The following CRADD variants were observed in gnomAD, a reference collection of about 807,000 sequenced individuals.
CRADD encodes death domain-containing protein CRADD.
A neutral mutation model predicts 15.5 loss-of-function variants in CRADD; 9 were observed. The ratio of observed to expected loss-of-function variants is 0.58; its 90% CI spans 0.35 to 1.01. CRADD has a LOEUF of 1.01. CRADD is among the 50% of genes least tolerant of loss of function. CRADD has a pLI of 0.02. For missense variants in CRADD, 227 were observed against 250.3 expected (o/e 0.91, Z 0.63); for synonymous variants, 118 against 107.6 (o/e 1.10, Z -0.60).
At chr12:93,784,615 T>C (rs1019799527) in intron 2 of CRADD, among the ~76,000 whole-genome samples, 1 of 151,912 alleles carries the variant, frequency 6.6e-6, no homozygotes, top group Non-Finnish European at 1.5e-5. Flanking sequence ...GTCAGAGCTG[T>C]TTTTCAGCTT....
intron 2 of CRADD, among the ~76,000 whole-genome samples, chr12:93,860,586 C>T (rs1456308273): frequency 2.0e-5 from 3 of 152,148 alleles, no homozygotes; most frequent in Non-Finnish European, 4.4e-5. Flanking sequence ...AAGACCCCCA[C>T]AAGAAGGTGA....
chr12:93,811,382 A>T (rs1957624863), intron 2 of CRADD, among the ~76,000 whole-genome samples: 1 of 152,214 alleles, frequency 6.6e-6, no homozygotes, highest in Non-Finnish European at 1.5e-5. Flanking sequence ...CATTTCCCTG[A>T]TGCTTGGCTT....
At chr12:93,832,569 C>T (rs1428166410) in intron 2 of CRADD, among the ~76,000 whole-genome samples, 1 of 152,152 alleles carries the variant, frequency 6.6e-6, no homozygotes, top group Non-Finnish European at 1.5e-5. Context: ...ACTTAGTAAA[C>T]AGCAGCAAAG....
intron 2 of CRADD, among the ~76,000 whole-genome samples, chr12:93,718,353 C>T (rs1292311369): frequency 1.3e-5 from 2 of 152,150 alleles, no homozygotes; most frequent in African/African-American, 4.8e-5. Flanking sequence ...TGGTTTTCCT[C>T]ATATAGATCT....
intron 2 of CRADD, among the ~76,000 whole-genome samples, chr12:93,883,486 CAAGT>C (rs1958516248): frequency 6.6e-6 from 1 of 152,070 alleles, no homozygotes; most frequent in African/African-American, 2.4e-5. Context: ...AATTTAAAGA[CAAGT>C]AAGAAATAGT....
intron 2 of CRADD, among the ~76,000 whole-genome samples, chr12:93,777,455 T>C (rs768065976): frequency 6.6e-6 from 1 of 152,142 alleles, no homozygotes; most frequent in Non-Finnish European, 1.5e-5. Context: ...GCTCCAGCAT[T>C]TGGAAAAGGA....
intron 2 of CRADD, among the ~76,000 whole-genome samples, chr12:93,788,379 C>T (rs1957305058): frequency 6.6e-6 from 1 of 152,088 alleles, no homozygotes; most frequent in South Asian, 2.1e-4. Flanking sequence ...CCTTGTCCCT[C>T]TCATGACACG....
intron 2 of CRADD, among the ~76,000 whole-genome samples, chr12:93,873,048 AT>A (rs1453192445): frequency 6.6e-6 from 1 of 151,770 alleles, no homozygotes; most frequent in Non-Finnish European, 1.5e-5. Flanking sequence ...AACATAGAAT[AT>A]TTTTCTCTTT....
intron 2 of CRADD, among the ~76,000 whole-genome samples, chr12:93,858,583 A>G (rs1330574138): frequency 6.6e-6 from 1 of 152,230 alleles, no homozygotes; most frequent in Non-Finnish European, 1.5e-5. Flanking sequence ...GCAGCCTCAG[A>G]AGCAAAGTCT....
At chr12:93,866,317 A>AT (rs1346431586) in intron 2 of CRADD, among the ~76,000 whole-genome samples, 12 of 151,452 alleles carry the variant, frequency 7.9e-5, no homozygotes, top group African/African-American at 2.9e-4. Flanking sequence ...TTTCTCTCTT[A>AT]TTTTTTGTCA....
intron 2 of CRADD, among the ~76,000 whole-genome samples, chr12:93,727,422 T>C (rs1423697742): frequency 6.6e-6 from 1 of 152,170 alleles, no homozygotes; most frequent in Admixed American, 6.5e-5. Flanking sequence ...CTTATTTGGG[T>C]ACCAGAACCT....
intron 2 of CRADD, among the ~76,000 whole-genome samples, chr12:93,702,233 A>G (rs1955856180): frequency 6.6e-6 from 1 of 152,216 alleles, no homozygotes. Context: ...TGATGTGTTT[A>G]GAAGACAGGT....
chr12:93,784,273 A>G (rs1242049857), intron 2 of CRADD, among the ~76,000 whole-genome samples: 1 of 152,182 alleles, frequency 6.6e-6, no homozygotes, highest in Non-Finnish European at 1.5e-5. Context: ...TGGAAAAATA[A>G]TAAATACTGC....
intron 2 of CRADD, among the ~76,000 whole-genome samples, chr12:93,830,863 C>T (rs993197862): frequency 6.6e-6 from 1 of 152,176 alleles, no homozygotes; most frequent in African/African-American, 2.4e-5. Flanking sequence ...AGACAATCTC[C>T]AAACAATTTA....
intron 2 of CRADD, among the ~76,000 whole-genome samples, chr12:93,747,840 C>T (rs980858967): frequency 3.3e-5 from 5 of 152,070 alleles, no homozygotes; most frequent in African/African-American, 1.2e-4. Flanking sequence ...CTTCCCTCTT[C>T]TCCCACTCTT....
At chr12:93,873,183 T>G (rs1271071978) in intron 2 of CRADD, among the ~76,000 whole-genome samples, 2 of 152,124 alleles carry the variant, frequency 1.3e-5, no homozygotes, top group Non-Finnish European at 2.9e-5. Flanking sequence ...GTAAATGGGA[T>G]TACTTTTTTC....
intron 2 of CRADD, among the ~76,000 whole-genome samples, chr12:93,681,159 C>CAG (rs1474632968): frequency 1.3e-5 from 2 of 152,208 alleles, no homozygotes; most frequent in Non-Finnish European, 2.9e-5. Flanking sequence ...GCTGGGATTA[C>CAG]AGGCGTGAGC....
intron 2 of CRADD, among the ~76,000 whole-genome samples, chr12:93,726,254 C>T (rs1202775281): frequency 6.6e-6 from 1 of 151,972 alleles, no homozygotes; most frequent in Non-Finnish European, 1.5e-5. Flanking sequence ...CAGGCACCCA[C>T]CACCATGCCC....
At chr12:93,880,910 G>C (rs1958494648) in intron 2 of CRADD, among the ~76,000 whole-genome samples, 1 of 152,204 alleles carries the variant, frequency 6.6e-6, no homozygotes, top group Non-Finnish European at 1.5e-5. Flanking sequence ...ACCAAACTGA[G>C]TGAAAGGCTT....
Sources: gnomAD v4.1 joint callset for allele counts (sites outside exome capture counted in the v4.1 genomes callset) on GRCh38, gnomAD v4.1.1 for gene constraint, MANE v1.5 for transcripts, NCBI Gene and HGNC (gene_info 2026-07-23, HGNC 2026-07-21) for gene names.